OR56A3: variants seen among roughly 807,000 people sequenced by gnomAD.
The protein encoded by OR56A3 is olfactory receptor 56A3.
A neutral mutation model predicts 17.5 loss-of-function variants in OR56A3; 23 were observed. The ratio of observed to expected loss-of-function variants is 1.32; its 90% CI spans 0.95 to 1.87. OR56A3 has a LOEUF of 1.87. OR56A3 is among the 40% of genes most tolerant of loss of function. OR56A3 has a pLI of 0.00. For synonymous variants in OR56A3, 175 were observed against 150.6 expected, an observed-to-expected ratio of 1.16 and a Z score of -1.19; for missense variants, 366 against 380.1, an observed-to-expected ratio of 0.96 and a Z score of 0.31.
At chr11:6,009,114 T>C in the OR56A3 span, among the ~76,000 whole-genome samples, 1 of 152,210 alleles carries the variant, frequency 6.6e-6, no homozygotes, top group Non-Finnish European at 1.5e-5. Context: ...TCTTTGCAGA[T>C]GTAATAAACT....
At chr11:6,005,863 C>G in the OR56A3 span, among the ~76,000 whole-genome samples, 1 of 152,126 alleles carries the variant, frequency 6.6e-6, no homozygotes, top group Non-Finnish European at 1.5e-5. Flanking sequence ...ATACCATCAT[C>G]TTGGAGGTGG....
the OR56A3 span, among the ~76,000 whole-genome samples, chr11:5,988,214 A>G: frequency 6.6e-6 from 1 of 152,186 alleles, no homozygotes; most frequent in Non-Finnish European, 1.5e-5. Context: ...CCTATGTCAG[A>G]TGAATATTGA....
At chr11:5,953,622 C>A (rs543086795), downstream of OR56A3, among the ~76,000 whole-genome samples, 1 of 152,160 alleles carries the variant, frequency 6.6e-6, no homozygotes, top group South Asian at 2.1e-4. Context: ...AGTACAGACC[C>A]AAATCCAGGA....
chr11:6,014,332 AC>A, the OR56A3 span, among the ~76,000 whole-genome samples: 1,513 of 152,322 alleles, frequency 9.9e-3, 7 homozygotes, highest in Non-Finnish European at 0.016. Context: ...CGATTGACTC[AC>A]GGGGGTGCTT....
the OR56A3 span, among the ~76,000 whole-genome samples, chr11:5,982,489 T>C: frequency 6.6e-6 from 1 of 152,090 alleles, no homozygotes; most frequent in Non-Finnish European, 1.5e-5. Flanking sequence ...GTTTGGCAAC[T>C]GAGGCTGTGA....
chr11:5,987,352 C>T, the OR56A3 span, among the ~76,000 whole-genome samples: 1 of 152,190 alleles, frequency 6.6e-6, no homozygotes, highest in Non-Finnish European at 1.5e-5. Flanking sequence ...TTTTCTCTAT[C>T]TCATTATGTC....
chr11:5,980,397 T>C, the OR56A3 span, among the ~76,000 whole-genome samples: 4 of 147,828 alleles, frequency 2.7e-5, no homozygotes, highest in African/African-American at 9.8e-5. Context: ...GATAGTTGAG[T>C]CTTCTCGATG....
chr11:5,962,032 A>G, the OR56A3 span, among the ~76,000 whole-genome samples: 1 of 152,218 alleles, frequency 6.6e-6, no homozygotes, highest in Non-Finnish European at 1.5e-5. Flanking sequence ...TGAATTTGCC[A>G]TATGTAACCT....
At chr11:5,959,979 T>C in the OR56A3 span, among the ~76,000 whole-genome samples, 1 of 152,212 alleles carries the variant, frequency 6.6e-6, no homozygotes, top group East Asian at 1.9e-4. Flanking sequence ...AGATTTTAAA[T>C]GAATAGATTT....
chr11:5,997,231 A>G, the OR56A3 span, among the ~76,000 whole-genome samples: 1 of 152,190 alleles, frequency 6.6e-6, no homozygotes, highest in African/African-American at 2.4e-5. Context: ...TATTGGCAAT[A>G]TTGGCAGAAT....
the OR56A3 span, among the ~76,000 whole-genome samples, chr11:5,997,154 G>A: frequency 6.6e-6 from 1 of 152,280 alleles, no homozygotes; most frequent in South Asian, 2.1e-4. Flanking sequence ...GTTTAAATGG[G>A]TAGTGTACAG....
In OR56A3 at chr11:5,944,824, A is replaced by G. The variant is rs952831739; in HGVS notation, c.-295A>G. ...TTTACAGGAGAAAAGAATTGGGAGA[A>G]TATCTAAATCTCTTCTATATATGAG... On this transcript the variant is annotated 5_prime_UTR_variant, in exon 2 of 3. Transcript: ENST00000641160. 1.3e-5 allele frequency: 2 copies of G among 152,214 alleles called. No homozygotes were observed. Among genetic ancestry groups the G allele is most frequent in the Admixed American group, 6.5e-5 (1 of 15,284 alleles). 9.4% of individuals were successfully genotyped at this position (152,214 alleles called of 1,614,324 possible).
the OR56A3 span, among the ~76,000 whole-genome samples, chr11:6,005,404 G>T: frequency 3.2e-4 from 48 of 152,334 alleles, no homozygotes; most frequent in Non-Finnish European, 6.3e-4. Flanking sequence ...CAAGTTCTTT[G>T]GGGAAAAGGA....
chr11:5,984,348 C>CA, the OR56A3 span, among the ~76,000 whole-genome samples: 1,425 of 152,028 alleles, frequency 9.4e-3, 13 homozygotes, highest in Middle Eastern at 0.017. Flanking sequence ...CAAAGATTAC[C>CA]AAAAAAATGG....
the OR56A3 span, among the ~76,000 whole-genome samples, chr11:6,015,373 C>T: frequency 2.0e-5 from 3 of 151,874 alleles, no homozygotes; most frequent in Non-Finnish European, 2.9e-5. Context: ...CAAAGTGGCT[C>T]AGGTATACCT....
downstream of OR56A3, among the ~76,000 whole-genome samples, chr11:5,952,535 T>G (rs1447224396): frequency 1.3e-5 from 2 of 151,904 alleles, no homozygotes; most frequent in African/African-American, 4.8e-5. Flanking sequence ...TCTCAACTTT[T>G]ATTTTAGATT....
chr11:5,960,966 G>C, the OR56A3 span, among the ~76,000 whole-genome samples: 7,016 of 151,954 alleles, frequency 0.046, 526 homozygotes, highest in African/African-American at 0.16. Context: ...CCCTGTCTGG[G>C]AGGTGAGGAG....
the OR56A3 span, among the ~76,000 whole-genome samples, chr11:5,975,013 T>C: frequency 8.5e-5 from 13 of 152,348 alleles, no homozygotes; most frequent in East Asian, 2.3e-3. Flanking sequence ...TTTTTCCTAC[T>C]GGGAACCAAC....
chr11:5,952,615 C>T (rs549902409), downstream of OR56A3, among the ~76,000 whole-genome samples: 115 of 151,762 alleles, frequency 7.6e-4, no homozygotes, highest in African/African-American at 2.6e-3. Flanking sequence ...ATATGCAAGG[C>T]CTATGTATAT....
Sources: allele counts gnomAD v4.1 joint callset (sites outside exome capture counted in the v4.1 genomes callset), GRCh38; gene constraint gnomAD v4.1.1; transcripts MANE v1.5; gene names NCBI Gene and HGNC (gene_info 2026-07-23, HGNC 2026-07-21).